The following RAP1GAP2 variants were observed in gnomAD, a reference collection of about 807,000 sequenced individuals.
The protein encoded by RAP1GAP2 is RAP1 GTPase activating protein 2, also known as rap1 GTPase-activating protein 2.
Under a neutral mutation model 95.0 loss-of-function variants are expected in RAP1GAP2, and 27 were observed. The observed-to-expected ratio is 0.28, with a 90% CI of 0.21 to 0.39. The LOEUF is 0.39. Among genes scored for constraint, RAP1GAP2 ranks in the 10% least tolerant of loss-of-function variants. The pLI, the probability that RAP1GAP2 is intolerant of heterozygous loss-of-function variation, is 1.00. For synonymous variants in RAP1GAP2, 373 were observed against 380.9 expected, an observed-to-expected ratio of 0.98 and a Z score of 0.24; for missense variants, 771 against 970.0, an observed-to-expected ratio of 0.79 and a Z score of 2.72.
chr17:2,775,809 C>T (rs2068486232), upstream of RAP1GAP2, among the ~76,000 whole-genome samples: 1 of 152,158 alleles, frequency 6.6e-6, no homozygotes, highest in Non-Finnish European at 1.5e-5. Flanking sequence ...GAGGACCCTT[C>T]GTTCCTTCTA....
chr17:2,858,305 C>T (rs1339159642), intron 2 of RAP1GAP2, among the ~76,000 whole-genome samples: 1 of 152,116 alleles, frequency 6.6e-6, no homozygotes, highest in African/African-American at 2.4e-5. Context: ...GGCAGGCTGT[C>T]AGGGGAGAGC....
chr17:2,891,980 T>C (rs1198248881), intron 2 of RAP1GAP2, among the ~76,000 whole-genome samples: 7 of 151,670 alleles, frequency 4.6e-5, no homozygotes, highest in East Asian at 3.9e-4. Context: ...TGTGCCACCA[T>C]GCCCGGCTAA....
chr17:2,980,235 G>A (rs115030498), intron 8 of RAP1GAP2, 52 bp from the exon 9 acceptor site: 7 of 1,577,018 alleles, frequency 4.4e-6, no homozygotes, highest in East Asian at 2.2e-5. Flanking sequence ...GAGTCCCCGC[G>A]CCCTCACTGA....
chr17:2,788,751 C>T (rs997710743), intron 1 of RAP1GAP2, among the ~76,000 whole-genome samples: 3 of 152,132 alleles, frequency 2.0e-5, no homozygotes, highest in Non-Finnish European at 4.4e-5. Flanking sequence ...CAGGAGAAGG[C>T]GGGTTCTCAG....
At chr17:3,002,793 C>T (rs1162360525) in intron 14 of RAP1GAP2, among the ~76,000 whole-genome samples, 1 of 152,146 alleles carries the variant, frequency 6.6e-6, no homozygotes, top group Non-Finnish European at 1.5e-5. Flanking sequence ...TTGTTCCTTC[C>T]CTCTCTGGGC....
intron 4 of RAP1GAP2, among the ~76,000 whole-genome samples, chr17:2,960,558 G>A (rs991708835): frequency 6.6e-6 from 1 of 152,238 alleles, no homozygotes. Flanking sequence ...TCCACAGAGT[G>A]TGGGGTACGT....
At chr17:3,010,708 CTT>C (rs1479831712) in intron 17 of RAP1GAP2, among the ~76,000 whole-genome samples, 1 of 152,154 alleles carries the variant, frequency 6.6e-6, no homozygotes, top group Non-Finnish European at 1.5e-5. Flanking sequence ...AGAGGAAACA[CTT>C]TAAGACTTTA....
At chr17:2,756,349 T>TC (rs1227477545) in intron 1 of RAP1GAP2, among the ~76,000 whole-genome samples, 1 of 152,290 alleles carries the variant, frequency 6.6e-6, no homozygotes, top group East Asian at 1.9e-4. Flanking sequence ...AGTCGCCCTT[T>TC]CCCCCTCCGC....
rs2072182703 is a variant in RAP1GAP2, at chr17:2,857,302, C to T, written c.81-47982C>T. On this transcript the variant is annotated intron_variant, in intron 2 of 24. Coordinates refer to ENST00000254695, the MANE Select transcript of RAP1GAP2 (RefSeq NM_015085.5). The surrounding 1 kb of genome is among the most constrained non-coding windows in gnomAD (Gnocchi z 4.0). Reference sequence around the variant, plus strand: ...CCCAGTGGTCTTTTTCATCCTCCTGCTCTCTCCAGGCCACTTGGAAATATT... The same window carrying T: ...CCCAGTGGTCTTTTTCATCCTCCTGTTCTCTCCAGGCCACTTGGAAATATT... Among the ~76,000 whole-genome samples the T allele has an allele frequency of 2.0e-5, 3 of 152,174 alleles. No individual in the cohort carries two copies. Among genetic ancestry groups the T allele is most frequent in the African/African-American group, 4.8e-5 (2 of 41,440 alleles).
At chr17:2,884,172 A>G (rs2073401838) in intron 2 of RAP1GAP2, among the ~76,000 whole-genome samples, 1 of 152,180 alleles carries the variant, frequency 6.6e-6, no homozygotes, top group African/African-American at 2.4e-5. Context: ...CTCTTACGCC[A>G]GGACTCTGAT....
At chr17:3,020,372 G>A in intron 18 of RAP1GAP2, 105 bp from the exon 19 acceptor site, 1 of 842,074 alleles carries the variant, frequency 1.2e-6, no homozygotes, top group Non-Finnish European at 2.0e-6. Flanking sequence ...TATTTTCTGG[G>A]GTCTCTTCCA....
intron 3 of RAP1GAP2, among the ~76,000 whole-genome samples, chr17:2,925,531 C>G (rs547308142): frequency 6.6e-6 from 1 of 152,162 alleles, no homozygotes; most frequent in African/African-American, 2.4e-5. Context: ...ACCGCTCCCT[C>G]GCTCCACTCG....
At chr17:2,758,087 T>C (rs2071179120) in intron 1 of RAP1GAP2, among the ~76,000 whole-genome samples, 1 of 150,642 alleles carries the variant, frequency 6.6e-6, no homozygotes, top group Non-Finnish European at 1.5e-5. Context: ...GCCCGGATGG[T>C]GTCGATCTCC....
chr17:2,806,160 C>A (rs2069506802), intron 2 of RAP1GAP2, among the ~76,000 whole-genome samples: 1 of 152,076 alleles, frequency 6.6e-6, no homozygotes, highest in African/African-American at 2.4e-5. Context: ...CCAGAAGATA[C>A]CACACAGCCA....
intron 2 of RAP1GAP2, among the ~76,000 whole-genome samples, chr17:2,807,890 C>T (rs1394543907): frequency 3.9e-5 from 6 of 152,068 alleles, no homozygotes; most frequent in African/African-American, 4.8e-5. Flanking sequence ...GGAGGCAGGG[C>T]GGCCAGGAGG....
chr17:2,848,922 T>A (rs1221362635), intron 2 of RAP1GAP2, among the ~76,000 whole-genome samples: 1 of 152,128 alleles, frequency 6.6e-6, no homozygotes, highest in Non-Finnish European at 1.5e-5. Context: ...TCTGTCTTCC[T>A]CCTAAGGGGG....
At chr17:2,950,078 G>A (rs1450613424) in intron 3 of RAP1GAP2, among the ~76,000 whole-genome samples, 2 of 107,712 alleles carry the variant, frequency 1.9e-5, no homozygotes, top group East Asian at 2.4e-4. Flanking sequence ...TTTTGAGATG[G>A]AGTCTTGCTC....
chr17:3,023,660 T>G (rs1012103431), intron 19 of RAP1GAP2, among the ~76,000 whole-genome samples: 1 of 152,216 alleles, frequency 6.6e-6, no homozygotes, highest in Non-Finnish European at 1.5e-5. Context: ...TATTATACTT[T>G]AAGTTCTGGA....
intron 8 of RAP1GAP2, among the ~76,000 whole-genome samples, chr17:2,968,999 A>G (rs1246077148): frequency 2.0e-5 from 3 of 152,040 alleles, no homozygotes; most frequent in African/African-American, 7.2e-5. Flanking sequence ...TCAGTAGTAT[A>G]TATTATAGTA....
Sources: gnomAD v4.1 joint callset for allele counts (sites outside exome capture counted in the v4.1 genomes callset) on GRCh38, gnomAD v4.1.1 for gene constraint, Gnocchi (gnomAD v3.1) non-coding constraint, MANE v1.5 for transcripts, NCBI Gene and HGNC (gene_info 2026-07-23, HGNC 2026-07-21) for gene names.